GRID2: variants seen among roughly 807,000 people sequenced by gnomAD.
The protein encoded by GRID2 is glutamate ionotropic receptor delta type subunit 2.
In GRID2, 33 loss-of-function variants were observed where a neutral mutation model predicts 114.8. That is an observed-to-expected ratio of 0.29 (90% CI 0.22 to 0.38). The LOEUF is 0.38. Among genes scored for constraint, GRID2 ranks in the 10% least tolerant of loss-of-function variants. The pLI, the probability that GRID2 is intolerant of heterozygous loss-of-function variation, is 1.00. For synonymous variants in GRID2, 505 were observed against 449.9 expected, an observed-to-expected ratio of 1.12 and a Z score of -1.55; for missense variants, 1,184 against 1,257.7, an observed-to-expected ratio of 0.94 and a Z score of 0.89.
chr4:93,465,201 A>G (rs959765107), intron 11 of GRID2, among the ~76,000 whole-genome samples: 5 of 152,334 alleles, frequency 3.3e-5, no homozygotes, highest in Admixed American at 3.3e-4. Context: ...GCGTACTGCA[A>G]CTGGGTCAAA....
chr4:92,829,954 G>A (rs570308226), intron 2 of GRID2, among the ~76,000 whole-genome samples: 1 of 152,116 alleles, frequency 6.6e-6, no homozygotes, highest in South Asian at 2.1e-4. Context: ...AGGGGAGTGA[G>A]AGCATTAGTA....
chr4:92,629,726 G>A (rs183739209), intron 2 of GRID2, among the ~76,000 whole-genome samples: 61 of 150,432 alleles, frequency 4.1e-4, no homozygotes, highest in African/African-American at 1.4e-3. Flanking sequence ...TTTAATAGCT[G>A]AATGTTAGAT....
At chr4:92,924,557 C>T (rs886963186) in intron 2 of GRID2, among the ~76,000 whole-genome samples, 1 of 152,122 alleles carries the variant, frequency 6.6e-6, no homozygotes, top group Non-Finnish European at 1.5e-5. Context: ...TCTTCCAAAA[C>T]ACTGCTGCAT....
intron 2 of GRID2, among the ~76,000 whole-genome samples, chr4:92,983,550 TC>T (rs1754340532): frequency 6.6e-6 from 1 of 151,888 alleles, no homozygotes; most frequent in South Asian, 2.1e-4. Flanking sequence ...TATCAAATAT[TC>T]TTTTATAAAC....
intron 8 of GRID2, among the ~76,000 whole-genome samples, chr4:93,295,545 G>A (rs1431584853): frequency 2.0e-5 from 3 of 152,132 alleles, no homozygotes; most frequent in Non-Finnish European, 4.4e-5. Context: ...TTTTGGGGAT[G>A]AGTGAAGGAT....
chr4:93,628,955 T>C (rs376116338), intron 14 of GRID2, among the ~76,000 whole-genome samples: 83 of 152,046 alleles, frequency 5.5e-4, no homozygotes, highest in African/African-American at 1.9e-3. Context: ...TTAGTAGAAA[T>C]GGGGTTTTGC....
At chr4:93,119,262 G>A (rs541841221) in intron 4 of GRID2, among the ~76,000 whole-genome samples, 3 of 152,254 alleles carry the variant, frequency 2.0e-5, no homozygotes, top group South Asian at 4.1e-4. Context: ...ATATCTGTAA[G>A]TGTCCTTGAA....
In GRID2 at chr4:92,590,241, G is replaced by A. The variant is rs1728643889; in HGVS notation, c.199G>A (p.Val67Met). The A allele has an allele frequency of 6.2e-7, 1 of 1,613,202 alleles. No homozygotes were observed. Among genetic ancestry groups the A allele is most frequent in the African/African-American group, 1.3e-5 (1 of 75,012 alleles). Residue 67 changes from valine to methionine, a missense_variant, in exon 2 of 16, where the codon GTG (valine) becomes ATG (methionine). Val to Met is a conservative substitution (Grantham distance 21). Around this residue, in one of 3 missense-constraint regions of GRID2, gnomAD observed 455 missense variants for 429.5 expected, o/e 1.06. Coordinates refer to ENST00000282020, the MANE Select transcript of GRID2 (RefSeq NM_001510.4). ...ILQTEKITFS[V>M]TFVDGNNPFQ... ...ACAGACTGAGAAAATCACATTTTCAGTGACGTTTGTTGATGGCAACAACCC... is the reference window on the plus strand; with the variant it reads ...ACAGACTGAGAAAATCACATTTTCAATGACGTTTGTTGATGGCAACAACCC...
intron 2 of GRID2, among the ~76,000 whole-genome samples, chr4:92,984,804 G>A (rs566983722): frequency 6.6e-6 from 1 of 150,566 alleles, no homozygotes; most frequent in East Asian, 2.0e-4. Context: ...CAATTTTAAT[G>A]AGTAGTAGTC....
chr4:93,405,436 T>C (rs1169493733), intron 9 of GRID2, among the ~76,000 whole-genome samples: 2 of 152,152 alleles, frequency 1.3e-5, no homozygotes, highest in Non-Finnish European at 2.9e-5. Context: ...GTGGTAGCCA[T>C]GCATGACCCT....
Position 92,600,041 on chromosome 4 carries a change from T to A in GRID2, c.244+9755T>A, listed in dbSNP as rs1442595630. ...CTTCATGTATGTGTGTGTGTGTGTG[T>A]GTGTATATATATATATATATATATA... On this transcript the variant is annotated intron_variant, in intron 2 of 15. Transcript: ENST00000282020. Among the ~76,000 whole-genome samples, 638 of 73,412 alleles carry A rather than the reference T, an allele frequency of 8.7e-3. 8 individuals carry two copies. Among genetic ancestry groups the A allele is most frequent in the South Asian group, 0.017 (32 of 1,932 alleles). The allele number at this position is 73,412 out of a possible 152,430, so 48.2% of individuals were successfully genotyped here. A position where few individuals can be genotyped will look rare whatever the true frequency, so the allele number is the denominator to read the frequency against.
At chr4:92,912,661 T>G (rs1026576230) in intron 2 of GRID2, among the ~76,000 whole-genome samples, 12 of 151,906 alleles carry the variant, frequency 7.9e-5, no homozygotes, top group African/African-American at 4.8e-5. Flanking sequence ...TTTTAAAAAT[T>G]GATACATTTG....
At chr4:93,302,525 T>G in intron 8 of GRID2, 1 of 453,928 alleles carries the variant, frequency 2.2e-6, no homozygotes. Flanking sequence ...ACTTATAATG[T>G]TTAATTTGTG....
intron 2 of GRID2, among the ~76,000 whole-genome samples, chr4:92,713,165 G>C (rs1361171775): frequency 6.7e-6 from 1 of 148,946 alleles, no homozygotes; most frequent in African/African-American, 2.5e-5. Context: ...CCCCACAACA[G>C]GCCCCGGTAT....
chr4:92,379,090 G>A (rs996775513), intron 1 of GRID2, among the ~76,000 whole-genome samples: 2 of 151,396 alleles, frequency 1.3e-5, no homozygotes, highest in African/African-American at 2.4e-5. Context: ...CAAATATTTG[G>A]TACCAGAATA....
intron 8 of GRID2, among the ~76,000 whole-genome samples, chr4:93,265,391 T>C (rs1750709818): frequency 6.6e-6 from 1 of 152,192 alleles, no homozygotes; most frequent in South Asian, 2.1e-4. Context: ...GTGGACATTC[T>C]GAAGAGCCAC....
intron 1 of GRID2, among the ~76,000 whole-genome samples, chr4:92,313,665 A>C (rs1725823963): frequency 6.6e-6 from 1 of 152,076 alleles, no homozygotes; most frequent in African/African-American, 2.4e-5. Context: ...CCAGGAGTAC[A>C]TGGTATTCTG....
rs1488035104 is a variant in GRID2 at position 93,774,450 on chromosome 4, C to T, written c.*1952C>T. The T allele has an allele frequency of 6.6e-6, 1 of 152,058 alleles. No individual in the cohort carries two copies. The highest frequency in any genetic ancestry group is 6.6e-5 in the Admixed American group (1 of 15,260). 9.4% of individuals were successfully genotyped at this position (152,058 alleles called of 1,614,324 possible). A position where few individuals can be genotyped will look rare whatever the true frequency, so the allele number is the denominator to read the frequency against. ...AAATAGGCTTATTTTGATGTATCGC[C>T]TATTATACAAACACACAAAACATTT... On this transcript the variant is annotated 3_prime_UTR_variant, in exon 16 of 16. Coordinates refer to ENST00000282020, the MANE Select transcript of GRID2 (RefSeq NM_001510.4).
chr4:93,586,826 T>C (rs936997017), intron 13 of GRID2, among the ~76,000 whole-genome samples: 26 of 152,138 alleles, frequency 1.7e-4, no homozygotes, highest in African/African-American at 6.0e-4. Flanking sequence ...TTCCCTAGCA[T>C]GGGCAGTTGC....
Sources: gnomAD v4.1 joint callset for allele counts (sites outside exome capture counted in the v4.1 genomes callset) on GRCh38, gnomAD v4.1.1 for gene constraint, gnomAD v4.1.1 regional missense constraint, MANE v1.5 for transcripts, NCBI Gene and HGNC (gene_info 2026-07-23, HGNC 2026-07-21) for gene names.